Variants in ERBB4 observed in about 807,000 individuals in gnomAD.
ERBB4 encodes the protein receptor tyrosine-protein kinase erbB-4.
ERBB4 carries 42 observed loss-of-function variants against 158.0 expected under a neutral mutation model. The observed-to-expected ratio is 0.27, with a 90% confidence interval of 0.21 to 0.34. ERBB4 has a LOEUF of 0.34. Ranked by LOEUF, ERBB4 falls within the 10% of genes least tolerant of loss-of-function variation. ERBB4 has a pLI of 1.00. For synonymous variants in ERBB4, 583 were observed against 558.7 expected (o/e 1.04, Z -0.61); for missense variants, 1,333 against 1,624.1 (o/e 0.82, Z 3.08).
intron 19 of ERBB4, among the ~76,000 whole-genome samples, chr2:211,611,713 A>T (rs1022074749): frequency 6.7e-6 from 1 of 149,950 alleles, no homozygotes; most frequent in Non-Finnish European, 1.5e-5. Context: ...TAAAATAGAG[A>T]GGTCAAAAGG....
chr2:211,711,170 ATTGAT>A (rs1329901024), intron 9 of ERBB4, among the ~76,000 whole-genome samples: 6 of 152,152 alleles, frequency 3.9e-5, no homozygotes, highest in African/African-American at 1.4e-4. Flanking sequence ...ACATATAATA[ATTGAT>A]TTGAATGAAA....
chr2:211,649,696 G>T (rs1202731267), intron 16 of ERBB4, among the ~76,000 whole-genome samples: 1 of 151,818 alleles, frequency 6.6e-6, no homozygotes, highest in African/African-American at 2.4e-5. Context: ...AATGACTCAA[G>T]CATATGGAAC....
At chr2:212,471,486 T>G (rs577808164) in intron 1 of ERBB4, among the ~76,000 whole-genome samples, 15 of 151,778 alleles carry the variant, frequency 9.9e-5, no homozygotes, top group Non-Finnish European at 1.9e-4. Flanking sequence ...TAAATCGAGA[T>G]CTCTGCAACA....
chr2:212,399,545 CAT>C (rs869111881), intron 1 of ERBB4, among the ~76,000 whole-genome samples: 4,445 of 36,812 alleles, frequency 0.12, 117 homozygotes, highest in South Asian at 0.22. Flanking sequence ...TTTATATATA[CAT>C]ATATATATAT....
chr2:212,021,613 A>G (rs2076651390), intron 2 of ERBB4, among the ~76,000 whole-genome samples: 1 of 152,144 alleles, frequency 6.6e-6, no homozygotes, highest in African/African-American at 2.4e-5. Flanking sequence ...CAAAACTATA[A>G]AAACCCTAGA....
intron 1 of ERBB4, among the ~76,000 whole-genome samples, chr2:212,275,225 A>G (rs529359996): frequency 7.9e-5 from 12 of 152,090 alleles, no homozygotes; most frequent in African/African-American, 2.9e-4. Context: ...CAGTGCCGCA[A>G]TAAACATACG....
At chr2:212,246,959 G>C (rs910374294) in intron 1 of ERBB4, among the ~76,000 whole-genome samples, 4 of 152,044 alleles carry the variant, frequency 2.6e-5, no homozygotes, top group African/African-American at 9.7e-5. Flanking sequence ...AAACCTATAG[G>C]ATTAGATGAT....
chr2:212,294,531 A>T (rs1692877642), intron 1 of ERBB4, among the ~76,000 whole-genome samples: 1 of 152,076 alleles, frequency 6.6e-6, no homozygotes, highest in African/African-American at 2.4e-5. Context: ...CCTGTAAATT[A>T]TAATTCTTAC....
chr2:211,866,171 T>C (rs1484961959), intron 3 of ERBB4, among the ~76,000 whole-genome samples: 2 of 152,032 alleles, frequency 1.3e-5, no homozygotes, highest in African/African-American at 4.8e-5. Context: ...GAATCGCCTG[T>C]ACCCGGGAGG....
At chr2:212,080,691 A>C (rs1172154214) in intron 2 of ERBB4, among the ~76,000 whole-genome samples, 4 of 151,252 alleles carry the variant, frequency 2.6e-5, no homozygotes, top group East Asian at 1.9e-4. Flanking sequence ...AAAAAAAAAA[A>C]AAACCTCTTT....
intron 19 of ERBB4, among the ~76,000 whole-genome samples, chr2:211,611,287 T>C (rs958415688): frequency 6.6e-6 from 1 of 151,742 alleles, no homozygotes; most frequent in Non-Finnish European, 1.5e-5. Flanking sequence ...CACAAGCAGA[T>C]AGAAAATAAG....
intron 20 of ERBB4, among the ~76,000 whole-genome samples, chr2:211,462,635 C>G (rs1025159617): frequency 6.6e-6 from 1 of 152,082 alleles, no homozygotes; most frequent in Non-Finnish European, 1.5e-5. Context: ...CGAGCTTGTT[C>G]CAGTTCTTAC....
chr2:212,076,534 A>C (rs1340765751), intron 2 of ERBB4, among the ~76,000 whole-genome samples: 2 of 151,984 alleles, frequency 1.3e-5, no homozygotes, highest in Non-Finnish European at 2.9e-5. Context: ...TGAGAGAGAG[A>C]GAAAAGTAAA....
At chr2:212,170,873 T>C (rs1191079838) in intron 1 of ERBB4, among the ~76,000 whole-genome samples, 2 of 152,132 alleles carry the variant, frequency 1.3e-5, no homozygotes, top group Admixed American at 1.3e-4. Flanking sequence ...GGAGAACCTC[T>C]GCTAGGGCAG....
chr2:211,546,423 T>G (rs573526142), intron 20 of ERBB4, among the ~76,000 whole-genome samples: 1 of 152,262 alleles, frequency 6.6e-6, no homozygotes, highest in East Asian at 1.9e-4. Flanking sequence ...TTTTTAAACT[T>G]TCTTATAGAA....
chr2:211,404,787 G>A (rs771657101), intron 25 of ERBB4, among the ~76,000 whole-genome samples: 76 of 152,096 alleles, frequency 5.0e-4, no homozygotes, highest in Non-Finnish European at 9.3e-4. Flanking sequence ...AAGGCAGAGA[G>A]AGAAGAGGAT....
intron 1 of ERBB4, among the ~76,000 whole-genome samples, chr2:212,260,081 A>AAGAAG (rs1553606479): frequency 1.3e-5 from 2 of 148,810 alleles, no homozygotes; most frequent in African/African-American, 5.0e-5. Flanking sequence ...AAAAAAAAAA[A>AAGAAG]AAAAGAAAAG....
chr2:211,590,833 A>G (rs2068438987), intron 19 of ERBB4, among the ~76,000 whole-genome samples: 1 of 152,202 alleles, frequency 6.6e-6, no homozygotes, highest in Non-Finnish European at 1.5e-5. Context: ...GGTAAGCTGA[A>G]CCCACTGGGT....
At chr2:212,244,411 T>A (rs1444307508) in intron 1 of ERBB4, among the ~76,000 whole-genome samples, 3 of 152,118 alleles carry the variant, frequency 2.0e-5, no homozygotes. Context: ...ACTGTGATCT[T>A]GCCTTTGAAA....
Sources: gnomAD v4.1 joint callset for allele counts (sites outside exome capture counted in the v4.1 genomes callset) on GRCh38, gnomAD v4.1.1 for gene constraint, MANE v1.5 for transcripts, NCBI Gene and HGNC (gene_info 2026-07-23, HGNC 2026-07-21) for gene names.